Variants in PRR5L observed in about 807,000 individuals in gnomAD.
The protein encoded by PRR5L is proline rich 5 like.
A neutral mutation model predicts 36.4 loss-of-function variants in PRR5L; 21 were observed. That is an observed-to-expected ratio of 0.58 (90% CI 0.41 to 0.83). PRR5L has a LOEUF of 0.83. PRR5L is among the 40% of genes least tolerant of loss of function. The pLI is 0.00. For synonymous variants in PRR5L, 188 were observed against 197.0 expected (o/e 0.95, Z 0.38); for missense variants, 381 against 473.3 (o/e 0.80, Z 1.81).
intron 5 of PRR5L, among the ~76,000 whole-genome samples, chr11:36,435,792 G>A (rs901031563): frequency 3.9e-5 from 6 of 152,128 alleles, no homozygotes; most frequent in Non-Finnish European, 8.8e-5. Context: ...GGGTTAAATG[G>A]TAACCTCCTT....
At chr11:36,343,721 A>G (rs754025462) in intron 1 of PRR5L, among the ~76,000 whole-genome samples, 14 of 152,206 alleles carry the variant, frequency 9.2e-5, no homozygotes, top group Non-Finnish European at 1.6e-4. Flanking sequence ...GTATACGTAC[A>G]TAAGGTATGT....
chr11:36,370,838 G>T (rs554716384), intron 1 of PRR5L, among the ~76,000 whole-genome samples: 2 of 140,408 alleles, frequency 1.4e-5, no homozygotes, highest in Non-Finnish European at 1.5e-5. Context: ...GCAAGATCAC[G>T]CCACTGCACT....
chr11:36,349,157 C>T (rs1057444775), intron 1 of PRR5L, among the ~76,000 whole-genome samples: 1 of 151,572 alleles, frequency 6.6e-6, no homozygotes, highest in East Asian at 1.9e-4. Context: ...TGGTGGCGGG[C>T]GCCTGTAATC....
chr11:36,441,003 T>C (rs7117218), intron 6 of PRR5L, among the ~76,000 whole-genome samples: 98,207 of 152,090 alleles, frequency 0.65, 32,074 homozygotes, highest in Admixed American at 0.7. Context: ...GATCTGTCCC[T>C]ATGACTCTAC....
intron 3 of PRR5L, 35 bp downstream of exon 3, chr11:36,403,413 C>T (rs374817360): frequency 7.6e-6 from 12 of 1,580,196 alleles, no homozygotes; most frequent in Middle Eastern, 3.8e-4. Context: ...CCATTTTCCC[C>T]TATAAACCTG....
chr11:36,388,872 T>G (rs421350), intron 1 of PRR5L, among the ~76,000 whole-genome samples: 23,607 of 152,000 alleles, frequency 0.16, 2,432 homozygotes, highest in East Asian at 0.39. Flanking sequence ...CTGATTTTTT[T>G]GTATTTTTAG....
intron 1 of PRR5L, among the ~76,000 whole-genome samples, chr11:36,382,579 A>G (rs950497213): frequency 6.6e-6 from 1 of 152,278 alleles, no homozygotes; most frequent in African/African-American, 2.4e-5. Context: ...TGATTCCCAG[A>G]CTACAATGCG....
At chr11:36,386,292 A>G (rs573750743) in intron 1 of PRR5L, among the ~76,000 whole-genome samples, 2 of 152,344 alleles carry the variant, frequency 1.3e-5, no homozygotes, top group African/African-American at 4.8e-5. Flanking sequence ...TCTTAGAAAA[A>G]AAAAGTAAAA....
At chr11:36,392,787 G>C (rs1223966793) in intron 1 of PRR5L, among the ~76,000 whole-genome samples, 1 of 152,072 alleles carries the variant, frequency 6.6e-6, no homozygotes, top group Non-Finnish European at 1.5e-5. Context: ...GATCTCATGA[G>C]AACTCACTCA....
At chr11:36,434,736 G>A (rs966023663) in intron 5 of PRR5L, among the ~76,000 whole-genome samples, 1 of 152,164 alleles carries the variant, frequency 6.6e-6, no homozygotes, top group Non-Finnish European at 1.5e-5. Context: ...CTTATGGGCT[G>A]TTTCTGGAAG....
intron 1 of PRR5L, among the ~76,000 whole-genome samples, chr11:36,314,861 T>C (rs982264319): frequency 6.6e-6 from 1 of 152,206 alleles, no homozygotes; most frequent in African/African-American, 2.4e-5. Context: ...TTATTTCACC[T>C]CTCTGAGTCT....
chr11:36,459,184 C>T (rs763973504), intron 8 of PRR5L, among the ~76,000 whole-genome samples: 4 of 152,158 alleles, frequency 2.6e-5, no homozygotes, highest in East Asian at 3.9e-4. Context: ...GGTCCAGAGC[C>T]GCTCAGCTCG....
intron 1 of PRR5L, among the ~76,000 whole-genome samples, chr11:36,389,099 CATT>C (rs528310835): frequency 9.1e-4 from 138 of 152,256 alleles, no homozygotes; most frequent in African/African-American, 3.2e-3. Context: ...ATTTCCAGCT[CATT>C]GTTGTTATAA....
intron 1 of PRR5L, among the ~76,000 whole-genome samples, chr11:36,337,518 A>AT (rs1257784318): frequency 6.6e-6 from 1 of 152,114 alleles, no homozygotes; most frequent in Non-Finnish European, 1.5e-5. Context: ...GACTAAGAAA[A>AT]TTTTCTTGTG....
At chr11:36,418,072 G>A (rs60521654) in intron 3 of PRR5L, among the ~76,000 whole-genome samples, 169 of 152,218 alleles carry the variant, frequency 1.1e-3, no homozygotes, top group African/African-American at 3.8e-3. Flanking sequence ...CTTAAGATTC[G>A]TTGAAATCAT....
chr11:36,451,381 A>G (rs1349645837), intron 8 of PRR5L, 46 bp downstream of exon 8: 1 of 1,608,466 alleles, frequency 6.2e-7, no homozygotes, highest in Admixed American at 1.7e-5. Context: ...AGTGATCATG[A>G]TACCAGCACT....
chr11:36,421,249 C>A (rs1245243877), intron 4 of PRR5L, among the ~76,000 whole-genome samples: 1 of 152,176 alleles, frequency 6.6e-6, no homozygotes, highest in Non-Finnish European at 1.5e-5. Flanking sequence ...TCTTTTGGTG[C>A]TGGGGGTTAC....
rs562131372 is a variant in PRR5L, at chr11:36,453,763, G to A, written c.712+2428G>A. Among the ~76,000 whole-genome samples, 3 of 152,292 alleles carry A rather than the reference G, an allele frequency of 2.0e-5. No homozygotes were observed. The East Asian group carries it at 5.8e-4, about 29-fold the overall frequency. ...CAGGGGCCACGGGTCCCAGGGCACA[G>A]GGATTTCATCTTGACTAGGGAATCA... On this transcript the variant is annotated intron_variant, in intron 8 of 8. Coordinates refer to ENST00000530639, the MANE Select transcript of PRR5L (RefSeq NM_001160167.2).
At chr11:36,393,538 G>A (rs1453294107) in intron 1 of PRR5L, among the ~76,000 whole-genome samples, 2 of 152,154 alleles carry the variant, frequency 1.3e-5, no homozygotes, top group African/African-American at 4.8e-5. Flanking sequence ...TAATCTGTGT[G>A]TCTGTTTTTT....
Sources: allele counts gnomAD v4.1 joint callset (sites outside exome capture counted in the v4.1 genomes callset), GRCh38; gene constraint gnomAD v4.1.1; transcripts MANE v1.5; gene names NCBI Gene and HGNC (gene_info 2026-07-23, HGNC 2026-07-21).